The following UST variants were observed in gnomAD, a reference collection of about 807,000 sequenced individuals.
UST encodes the protein chondroitin sulfate 2-O-sulfotransferase.
In UST, 21 loss-of-function variants were observed where a neutral mutation model predicts 45.6. That is an observed-to-expected ratio of 0.46 (90% CI 0.33 to 0.66). The LOEUF is 0.66. Ranked by LOEUF, UST falls within the 30% of genes least tolerant of loss-of-function variation. The probability of loss-of-function intolerance (pLI) is 0.02; values close to 1 mark genes in which losing one functional copy is unlikely to be tolerated. For missense variants in UST, 463 were observed against 512.4 expected, an observed-to-expected ratio of 0.90 and a Z score of 0.93; for synonymous variants, 215 against 200.6, an observed-to-expected ratio of 1.07 and a Z score of -0.61.
chr6:148,916,418 A>T (rs1034711641), intron 2 of UST, among the ~76,000 whole-genome samples: 1 of 152,182 alleles, frequency 6.6e-6, no homozygotes, highest in African/African-American at 2.4e-5. Flanking sequence ...AGAATGGGGC[A>T]TTGGCTCTAA....
chr6:148,923,603 A>G (rs1339074885), intron 2 of UST, among the ~76,000 whole-genome samples: 1 of 152,196 alleles, frequency 6.6e-6, no homozygotes, highest in Admixed American at 6.5e-5. Flanking sequence ...TTTTAGTTAC[A>G]GTTTTAAGAA....
At chr6:148,846,420 C>T (rs531840058) in intron 1 of UST, among the ~76,000 whole-genome samples, 13 of 150,824 alleles carry the variant, frequency 8.6e-5, no homozygotes, top group Admixed American at 3.3e-4. Context: ...ACGTAGGAAG[C>T]GGAACATCAC....
intron 1 of UST, among the ~76,000 whole-genome samples, chr6:148,791,207 T>C (rs1425733720): frequency 1.1e-4 from 17 of 152,198 alleles, no homozygotes; most frequent in Admixed American, 1.1e-3. Flanking sequence ...TTGCTAAATG[T>C]CCTGCAATGC....
chr6:148,945,406 T>TA (rs540667317), intron 3 of UST, among the ~76,000 whole-genome samples: 81 of 152,312 alleles, frequency 5.3e-4, no homozygotes, highest in Middle Eastern at 3.4e-3. Context: ...CAGAGCCTTT[T>TA]AAAACCTAGA....
chr6:148,853,347 T>C (rs1054685844), intron 1 of UST, among the ~76,000 whole-genome samples: 1 of 152,236 alleles, frequency 6.6e-6, no homozygotes, highest in Non-Finnish European at 1.5e-5. Context: ...CTTTATCCAG[T>C]CTGTCGTCTG....
intron 2 of UST, among the ~76,000 whole-genome samples, chr6:148,938,700 A>G (rs544249027): frequency 2.6e-5 from 4 of 152,106 alleles, no homozygotes; most frequent in East Asian, 3.9e-4. Flanking sequence ...AAATGGAGAA[A>G]TATCTTTATT....
chr6:148,774,568 TAGAAC>T lies in UST; in HGVS notation c.247+26895_247+26899del, dbSNP rs530986312. The stretch of plus-strand genomic sequence containing the variant: ...CCTACATAGTTTTGTCATGTAGAAA[TAGAAC>T]AGAGAGATCAATACAGTAATTTCAA... On this transcript the variant is annotated intron_variant, in intron 1 of 7. Transcript: ENST00000367463. 1.2e-3 allele frequency among the ~76,000 whole-genome samples: 187 copies of T among 152,290 alleles called. 1 individual carries two copies. Among genetic ancestry groups the T allele is most frequent in the African/African-American group, 4.4e-3 (181 of 41,562 alleles).
At chr6:148,961,361 T>A (rs966203088) in intron 4 of UST, among the ~76,000 whole-genome samples, 32 of 152,236 alleles carry the variant, frequency 2.1e-4, no homozygotes, top group African/African-American at 7.7e-4. Flanking sequence ...TTCTACTCTC[T>A]AGTGTATGCA....
At position 148,790,885 on chromosome 6, in the gene UST, C is replaced by T. The variant is rs897082755; in HGVS notation, c.247+43208C>T. On this transcript the variant is annotated intron_variant, in intron 1 of 7. Transcript: ENST00000367463. The surrounding 1 kb of genome is among the most constrained non-coding windows in gnomAD (Gnocchi z 4.2). The stretch of plus-strand genomic sequence containing the variant: ...TCGCAGTTTGCCTTCTCTCTCTGCC[C>T]GTTCCTGCGTCTCCACTCCTTTGTA... Among the ~76,000 whole-genome samples, 11 of 152,212 alleles carry T rather than the reference C, an allele frequency of 7.2e-5. No individual in the cohort carries two copies. The highest frequency in any genetic ancestry group is 1.0e-4 in the Non-Finnish European group (7 of 68,032).
chr6:148,944,440 A>G (rs1780191935), intron 3 of UST, among the ~76,000 whole-genome samples: 2 of 151,696 alleles, frequency 1.3e-5, no homozygotes, highest in Admixed American at 1.3e-4. Context: ...CATTCATACA[A>G]AAAGGCACCT....
Position 149,005,904 on chromosome 6 carries a change from G to A in UST, c.682-13235G>A, listed in dbSNP as rs142447705. 4.1e-3 allele frequency among the ~76,000 whole-genome samples: 618 copies of A among 152,208 alleles called. 7 individuals carry two copies. Among genetic ancestry groups the A allele is most frequent in the African/African-American group, 0.014 (589 of 41,518 alleles). On this transcript the variant is annotated intron_variant, in intron 5 of 7. Coordinates refer to ENST00000367463, the MANE Select transcript of UST (RefSeq NM_005715.3). ...TTCACACTAACACAATCACACCCAG[G>A]ACAGCGGCAGATTTGAAGAGGGAGC...
At chr6:148,993,749 C>G (rs1281861236) in intron 5 of UST, among the ~76,000 whole-genome samples, 1 of 152,002 alleles carries the variant, frequency 6.6e-6, no homozygotes, top group African/African-American at 2.4e-5. Context: ...AAGTGTGTGG[C>G]CCCTCCTCCC....
intron 7 of UST, among the ~76,000 whole-genome samples, chr6:149,033,355 T>C (rs1447882642): frequency 6.6e-6 from 1 of 152,262 alleles, no homozygotes; most frequent in Non-Finnish European, 1.5e-5. Context: ...GCTTCTATTT[T>C]TGTCTGGCTA....
At chr6:148,918,676 A>G (rs1231902246) in intron 2 of UST, among the ~76,000 whole-genome samples, 1 of 152,242 alleles carries the variant, frequency 6.6e-6, no homozygotes, top group East Asian at 1.9e-4. Flanking sequence ...GCTCCGCCAG[A>G]TGGCTCCTAC....
At chr6:149,065,261 G>A (rs575504444) in intron 7 of UST, among the ~76,000 whole-genome samples, 2 of 152,252 alleles carry the variant, frequency 1.3e-5, no homozygotes, top group Non-Finnish European at 1.5e-5. Context: ...ACTTCCTCTA[G>A]AGCTGCTATT....
intron 1 of UST, among the ~76,000 whole-genome samples, chr6:148,827,809 A>G (rs1285274642): frequency 6.6e-6 from 1 of 151,958 alleles, no homozygotes; most frequent in African/African-American, 2.4e-5. Flanking sequence ...AAAACTTGAC[A>G]TGATATTTAG....
At chr6:148,968,457 A>T (rs1188269279) in intron 5 of UST, among the ~76,000 whole-genome samples, 1 of 152,196 alleles carries the variant, frequency 6.6e-6, no homozygotes, top group Non-Finnish European at 1.5e-5. Flanking sequence ...CCAGAGCTGG[A>T]AGCTCCCCAG....
intron 7 of UST, among the ~76,000 whole-genome samples, chr6:149,051,394 T>A (rs764643866): frequency 1.3e-5 from 2 of 152,088 alleles, no homozygotes; most frequent in Non-Finnish European, 2.9e-5. Flanking sequence ...CTCTGCCAAG[T>A]GGTGGCGAGC....
intron 4 of UST, among the ~76,000 whole-genome samples, chr6:148,955,214 G>A (rs1360386945): frequency 6.6e-6 from 1 of 152,228 alleles, no homozygotes. Flanking sequence ...AGTGGCTCCT[G>A]CAGGCCAGGC....
Sources: allele counts gnomAD v4.1 joint callset (sites outside exome capture counted in the v4.1 genomes callset), GRCh38; gene constraint gnomAD v4.1.1; non-coding constraint Gnocchi (gnomAD v3.1); transcripts MANE v1.5; gene names NCBI Gene and HGNC (gene_info 2026-07-23, HGNC 2026-07-21).